The following FAM174A variants were observed in gnomAD, a reference collection of about 807,000 sequenced individuals.
The protein encoded by FAM174A is membrane protein FAM174A.
In FAM174A, 14 loss-of-function variants were observed where a neutral mutation model predicts 14.3. The ratio of observed to expected loss-of-function variants is 0.98; its 90% confidence interval spans 0.65 to 1.53. The LOEUF is 1.53. FAM174A is among the 40% of genes most tolerant of loss of function. The probability of loss-of-function intolerance (pLI) is 0.00; values close to 1 mark genes in which losing one functional copy is unlikely to be tolerated. For missense variants in FAM174A, 241 were observed against 249.6 expected, an observed-to-expected ratio of 0.97 and a Z score of 0.23; for synonymous variants, 108 against 111.4, an observed-to-expected ratio of 0.97 and a Z score of 0.19.
chr5:100,561,221 G>A (rs1168100029), intron 1 of FAM174A, among the ~76,000 whole-genome samples: 1 of 151,962 alleles, frequency 6.6e-6, no homozygotes, highest in South Asian at 2.1e-4. Flanking sequence ...AATAATGAAT[G>A]TTAAGCACCC....
chr5:100,581,500 C>A, intron 2 of FAM174A: 2 of 538,820 alleles, frequency 3.7e-6, no homozygotes, highest in Non-Finnish European at 4.7e-6. Flanking sequence ...TGCCTGTGAT[C>A]CCAACACTTT....
At chr5:100,550,427 A>T (rs1580365848) in intron 1 of FAM174A, among the ~76,000 whole-genome samples, 3 of 152,152 alleles carry the variant, frequency 2.0e-5, no homozygotes, top group Admixed American at 2.0e-4. Flanking sequence ...TTATATATAA[A>T]AATTTAGATA....
At chr5:100,569,280 T>G (rs1746726343) in intron 2 of FAM174A, among the ~76,000 whole-genome samples, 1 of 151,906 alleles carries the variant, frequency 6.6e-6, no homozygotes, top group African/African-American at 2.4e-5. Context: ...TATATGTATG[T>G]ATTATAATCA....
intron 1 of FAM174A, among the ~76,000 whole-genome samples, chr5:100,538,770 T>G (rs1745991155): frequency 6.6e-6 from 1 of 151,998 alleles, no homozygotes; most frequent in Non-Finnish European, 1.5e-5. Context: ...AATTGCTGTT[T>G]ACTGACGGAA....
intron 2 of FAM174A, among the ~76,000 whole-genome samples, chr5:100,578,135 T>G (rs571520171): frequency 6.6e-6 from 1 of 152,268 alleles, no homozygotes; most frequent in East Asian, 1.9e-4. Context: ...GTGGAAATTC[T>G]GTAAATGATA....
intron 2 of FAM174A, among the ~76,000 whole-genome samples, chr5:100,570,818 G>T (rs1049570731): frequency 6.6e-6 from 1 of 151,926 alleles, no homozygotes; most frequent in African/African-American, 2.4e-5. Context: ...AAGTAGGTTA[G>T]CTGTCAGTTT....
chr5:100,558,815 T>A (rs995768365), intron 1 of FAM174A, among the ~76,000 whole-genome samples: 2 of 152,302 alleles, frequency 1.3e-5, no homozygotes, highest in South Asian at 4.1e-4. Context: ...TCCCTTTATT[T>A]TGAGCCTATG....
At chr5:100,566,624 G>C (rs1746658207) in intron 2 of FAM174A, among the ~76,000 whole-genome samples, 1 of 151,866 alleles carries the variant, frequency 6.6e-6, no homozygotes, top group Non-Finnish European at 1.5e-5. Flanking sequence ...AATCTCAAGA[G>C]GTGATGGATA....
intron 2 of FAM174A, among the ~76,000 whole-genome samples, chr5:100,564,123 G>A (rs987017574): frequency 1.3e-5 from 2 of 151,794 alleles, no homozygotes; most frequent in Non-Finnish European, 2.9e-5. Context: ...AAAGCTCCCT[G>A]ATATATGCTC....
intron 1 of FAM174A, among the ~76,000 whole-genome samples, chr5:100,537,884 C>G (rs1039513941): frequency 8.6e-5 from 13 of 151,734 alleles, no homozygotes; most frequent in Non-Finnish European, 1.8e-4. Context: ...TTGTTTTTTT[C>G]CTTTTGCTTC....
At chr5:100,564,120 C>T (rs955155669) in intron 2 of FAM174A, among the ~76,000 whole-genome samples, 2 of 151,784 alleles carry the variant, frequency 1.3e-5, no homozygotes, top group Non-Finnish European at 2.9e-5. Flanking sequence ...GTAAAAGCTC[C>T]CTGATATATG....
chr5:100,581,337 C>G (rs1747007549), intron 2 of FAM174A: 1 of 982,328 alleles, frequency 1.0e-6, no homozygotes, highest in African/African-American at 1.7e-5. Context: ...TGATTCTCCA[C>G]TTTTTTCAGA....
At chr5:100,544,172 G>A (rs1746120639) in intron 1 of FAM174A, among the ~76,000 whole-genome samples, 1 of 152,050 alleles carries the variant, frequency 6.6e-6, no homozygotes, top group African/African-American at 2.4e-5. Context: ...ACCAGCCTGG[G>A]CAATATAGTG....
chr5:100,571,500 T>G (rs1746778050), intron 2 of FAM174A, among the ~76,000 whole-genome samples: 1 of 150,724 alleles, frequency 6.6e-6, no homozygotes, highest in African/African-American at 2.4e-5. Context: ...ATGTGCGTAA[T>G]TTTCACATAA....
intron 2 of FAM174A, among the ~76,000 whole-genome samples, chr5:100,566,678 C>T (rs1349196364): frequency 1.3e-5 from 2 of 151,754 alleles, no homozygotes; most frequent in African/African-American, 4.8e-5. Flanking sequence ...GTAGTATATG[C>T]ACATCATGCA....
chr5:100,562,292 C>T lies in FAM174A; in HGVS notation c.569+104C>T, dbSNP rs544084448. ...TCATTTAACAGCTTATATTCCAACACAGTTTCTTCAGTTCTGTTTACTGAA... is the reference window on the plus strand; with the variant it reads ...TCATTTAACAGCTTATATTCCAACATAGTTTCTTCAGTTCTGTTTACTGAA... On this transcript the variant is annotated intron_variant, in intron 2 of 2. Transcript: ENST00000312637. 3.9e-5 allele frequency: 40 copies of T among 1,036,018 alleles called. No individual in the cohort carries two copies. In the South Asian group the frequency reaches 5.7e-4, roughly 15 times the overall value. The allele number at this position is 1,036,018 out of a possible 1,614,324, so 64.2% of individuals were successfully genotyped here.
intron 2 of FAM174A, among the ~76,000 whole-genome samples, chr5:100,564,686 AAG>A (rs1419673606): frequency 6.6e-6 from 1 of 151,774 alleles, no homozygotes; most frequent in Admixed American, 6.6e-5. Context: ...TCAGAAATAA[AAG>A]AGAAGAAATT....
At chr5:100,551,862 A>T (rs767170394) in intron 1 of FAM174A, among the ~76,000 whole-genome samples, 1 of 152,164 alleles carries the variant, frequency 6.6e-6, no homozygotes, top group African/African-American at 2.4e-5. Context: ...CCTGTTTATA[A>T]GGACATCAGT....
rs1239653435 is a variant in FAM174A, at chr5:100,547,191, C to T, written c.434+11227C>T. 2.0e-5 allele frequency among the ~76,000 whole-genome samples: 3 copies of T among 152,010 alleles called. No individual in the cohort carries two copies. The East Asian group carries it at 5.8e-4, about 29-fold the overall frequency. On this transcript the variant is annotated intron_variant, in intron 1 of 2. Coordinates refer to ENST00000312637, the MANE Select transcript of FAM174A (RefSeq NM_198507.3). ...TTTTCAGTGGGAATAAGTGATTTTT[C>T]ATGGTAGAAAACATGATTAACCATT... is the stretch of plus-strand genomic sequence containing the variant.
Sources: allele counts gnomAD v4.1 joint callset (sites outside exome capture counted in the v4.1 genomes callset), GRCh38; gene constraint gnomAD v4.1.1; transcripts MANE v1.5; gene names NCBI Gene and HGNC (gene_info 2026-07-23, HGNC 2026-07-21).